Variants in ICE1 observed in about 807,000 individuals in gnomAD.
ICE1 encodes the protein little elongation complex subunit 1.
Under a neutral mutation model 192.7 loss-of-function variants are expected in ICE1, and 64 were observed. The ratio of observed to expected loss-of-function variants is 0.33; its 90% CI spans 0.27 to 0.41. The LOEUF is 0.41. Among genes scored for constraint, ICE1 ranks in the 10% least tolerant of loss-of-function variants. The probability of loss-of-function intolerance (pLI) is 1.00; values close to 1 mark genes in which losing one functional copy is unlikely to be tolerated. For synonymous variants in ICE1, 1,010 were observed against 984.5 expected (o/e 1.03, Z -0.49); for missense variants, 2,708 against 2,696.0 (o/e 1.00, Z -0.10).
intron 14 of ICE1, 94 bp downstream of exon 14, chr5:5,466,596 G>T: frequency 9.5e-7 from 1 of 1,050,468 alleles, no homozygotes. Context: ...ATTACTGTGT[G>T]TCTTTTAAAA....
chr5:5,459,630 A>C (rs952395686), intron 12 of ICE1, among the ~76,000 whole-genome samples: 5 of 152,224 alleles, frequency 3.3e-5, no homozygotes, highest in African/African-American at 1.2e-4. Flanking sequence ...GACGAAAGCC[A>C]GGAGATGATG....
chr5:5,464,227 T>G lies in ICE1; in HGVS notation c.4893T>G (p.Pro1631=). The G allele has an allele frequency of 6.2e-7, 1 of 1,613,540 alleles. No homozygotes were observed. Among genetic ancestry groups the G allele is most frequent in the Non-Finnish European group, 8.5e-7 (1 of 1,179,820 alleles). The part of the protein sequence containing the change: ...LSKIRQEVGP[P]LPPLLAPLIA... The stretch of plus-strand genomic sequence containing the variant: ...AAATACGGCAAGAGGTGGGGCCTCC[T>G]TTGCCGCCTCTGCTTGCTCCTCTGA... Residue 1631 remains proline, a synonymous_variant, in exon 13 of 19, where the codon CCT becomes CCG. Transcript: ENST00000296564. The surrounding 1 kb of genome is among the most constrained non-coding windows in gnomAD (Gnocchi z 4.0).
chr5:5,426,910 T>A (rs1737537871), intron 1 of ICE1, among the ~76,000 whole-genome samples: 1 of 152,232 alleles, frequency 6.6e-6, no homozygotes, highest in East Asian at 1.9e-4. Flanking sequence ...TAGTTTTAAC[T>A]TTTTGATCAT....
chr5:5,437,739 T>C (rs1469104897), intron 3 of ICE1: 7 of 152,336 alleles, frequency 4.6e-5, no homozygotes, highest in African/African-American at 1.7e-4. Context: ...TGTGTATAAT[T>C]GATCCTTCCA....
intron 6 of ICE1, among the ~76,000 whole-genome samples, chr5:5,443,833 C>T (rs564033186): frequency 6.6e-6 from 1 of 152,298 alleles, no homozygotes; most frequent in East Asian, 1.9e-4. Context: ...AGTTATCCAC[C>T]TTTTCAGACT....
intron 1 of ICE1, among the ~76,000 whole-genome samples, chr5:5,430,591 C>G (rs537967337): frequency 3.9e-4 from 60 of 152,308 alleles, no homozygotes; most frequent in African/African-American, 1.4e-3. Context: ...CAAGACAGAA[C>G]CATTTTTAAT....
intron 14 of ICE1, 134 bp downstream of exon 14, chr5:5,466,636 T>TGA (rs770723572): frequency 6.6e-6 from 5 of 754,148 alleles, no homozygotes; most frequent in Non-Finnish European, 8.3e-6. Context: ...TTGAATAGCT[T>TGA]TAGCTATACC....
chr5:5,433,989 AAAT>A (rs1737798947), intron 1 of ICE1, among the ~76,000 whole-genome samples: 1 of 152,106 alleles, frequency 6.6e-6, no homozygotes, highest in Admixed American at 6.5e-5. Flanking sequence ...CAGTGTGTTT[AAAT>A]AATGTTAACA....
At chr5:5,474,389 A>T (rs1739253873) in intron 16 of ICE1, among the ~76,000 whole-genome samples, 1 of 152,142 alleles carries the variant, frequency 6.6e-6, no homozygotes, top group East Asian at 1.9e-4. Flanking sequence ...TATCCCTAGC[A>T]TGCGGAACAG....
At chr5:5,445,334 G>T (rs913267433) in intron 7 of ICE1, among the ~76,000 whole-genome samples, 3 of 152,144 alleles carry the variant, frequency 2.0e-5, no homozygotes, top group African/African-American at 7.2e-5. Flanking sequence ...ATGATATTTT[G>T]TGTTCTAAGT....
chr5:5,477,706 C>A (rs897137724), intron 17 of ICE1, among the ~76,000 whole-genome samples: 1 of 152,176 alleles, frequency 6.6e-6, no homozygotes, highest in Non-Finnish European at 1.5e-5. Context: ...GCCAACGTCT[C>A]CAGTGAACAT....
At chr5:5,469,836 C>G (rs957189574) in intron 15 of ICE1, among the ~76,000 whole-genome samples, 5 of 152,116 alleles carry the variant, frequency 3.3e-5, no homozygotes, top group African/African-American at 1.2e-4. Flanking sequence ...CTAGACACAA[C>G]AGAGTAGATT....
At chr5:5,443,317 G>T in intron 6 of ICE1, 73 bp downstream of exon 6, 11 of 633,228 alleles carry the variant, frequency 1.7e-5, no homozygotes, top group Non-Finnish European at 1.2e-5. Flanking sequence ...AGTCGGTAGT[G>T]TTTTTTTTTT....
At position 5,436,440 on chromosome 5, in the gene ICE1, C is replaced by A; in HGVS notation, c.107C>A (p.Ala36Glu). The change falls in exon 2 of 19, where the codon GCA (alanine) becomes GAA (glutamate). Residue 36 changes from alanine to glutamate, a missense_variant. Ala to Glu is a moderately radical substitution (Grantham distance 107, BLOSUM62 -1). Coordinates refer to ENST00000296564, the MANE Select transcript of ICE1 (RefSeq NM_015325.3). ...CAGAATTTGAATGAATATGTTGAAG[C>A]ATTAATTACCTTGAAACAAAAAATT... ...LQQNLNEYVE[A>E]LITLKQKIIN... 1 of 1,473,944 alleles carries A rather than the reference C, an allele frequency of 6.8e-7. No individual in the cohort carries two copies. Among genetic ancestry groups the A allele is most frequent in the Non-Finnish European group, 9.0e-7 (1 of 1,110,318 alleles). The allele number at this position is 1,473,944 out of a possible 1,614,324, so 91.3% of individuals were successfully genotyped here.
chr5:5,436,352 G>T, intron 1 of ICE1, 66 bp from the exon 2 acceptor site: 1 of 935,380 alleles, frequency 1.1e-6, no homozygotes, highest in Non-Finnish European at 1.6e-6. Flanking sequence ...GATAAATAAT[G>T]TTACAGACAA....
chr5:5,464,057 A>G lies in ICE1; in HGVS notation c.4723A>G (p.Arg1575Gly). 3 of 1,613,734 alleles carry G rather than the reference A, an allele frequency of 1.9e-6. No individual in the cohort carries two copies. The highest frequency in any genetic ancestry group is 1.3e-5 in the African/African-American group (1 of 75,038). ...NKPVKTSASS[R>G]VETHQSEVAQ... ...ACCAGTAAAAACTTCAGCGTCGAGCAGAGTTGAAACTCATCAGAGTGAAGT... is the reference window on the plus strand; with the variant it reads ...ACCAGTAAAAACTTCAGCGTCGAGCGGAGTTGAAACTCATCAGAGTGAAGT... Residue 1575 changes from arginine (R) to glycine (G), a missense_variant, in exon 13 of 19, where the codon AGA (arginine) becomes GGA (glycine). Coordinates refer to ENST00000296564, the MANE Select transcript of ICE1 (RefSeq NM_015325.3). The surrounding 1 kb of genome is among the most constrained non-coding windows in gnomAD (Gnocchi z 4.0).
intron 1 of ICE1, among the ~76,000 whole-genome samples, chr5:5,426,274 G>A (rs148759761): frequency 8.5e-4 from 129 of 152,190 alleles, no homozygotes; most frequent in African/African-American, 2.8e-3. Flanking sequence ...GTGAAACCCC[G>A]TCTCTACGAA....
rs371324612 is a variant in ICE1 at position 5,462,741 on chromosome 5, C to A, written c.3407C>A (p.Thr1136Lys). 3.1e-6 allele frequency: 5 copies of A among 1,613,672 alleles called. No homozygotes were observed. Among genetic ancestry groups the A allele is most frequent in the African/African-American group, 1.3e-5 (1 of 74,908 alleles). Residue 1136 changes from threonine to lysine, a missense_variant, in exon 13 of 19, where the codon ACA becomes AAA. Transcript: ENST00000296564. ...PDDSQKNLGD[T>K]DAAVAEVRPS... The stretch of plus-strand genomic sequence containing the variant: ...GACTCACAGAAAAATTTAGGAGACA[C>A]AGATGCTGCTGTAGCCGAGGTGAGA...
At position 5,463,794 on chromosome 5, in the gene ICE1, A is replaced by G. The variant is rs374019475; in HGVS notation, c.4460A>G (p.Asn1487Ser). The change falls in exon 13 of 19, where the codon AAT becomes AGT. Residue 1487 changes from asparagine (N) to serine (S), a missense_variant. Physicochemically the swap from Asn to Ser is conservative, Grantham distance 46. Transcript: ENST00000296564. ...GCATTTCAGGAGGCTCCATGTGGCA[A>G]TAATCTTTCATGTCCCCAAGAGGAT... ...GPAFQEAPCG[N>S]NLSCPQEDVS... 1.2e-5 allele frequency: 20 copies of G among 1,613,876 alleles called. No homozygotes were observed. In the African/African-American group the frequency reaches 1.6e-4, roughly 13 times the overall value.
Sources: gnomAD v4.1 joint callset for allele counts (sites outside exome capture counted in the v4.1 genomes callset) on GRCh38, gnomAD v4.1.1 for gene constraint, Gnocchi (gnomAD v3.1) non-coding constraint, MANE v1.5 for transcripts, NCBI Gene and HGNC (gene_info 2026-07-23, HGNC 2026-07-21) for gene names.